Variants in BEAN1 observed in about 807,000 individuals in gnomAD.
BEAN1 encodes the protein protein BEAN1.
A neutral mutation model predicts 17.7 loss-of-function variants in BEAN1; 17 were observed. The observed-to-expected ratio is 0.96, with a 90% CI of 0.66 to 1.44. The LOEUF is 1.44. Ranked by LOEUF, BEAN1 falls within the 40% of genes most tolerant of loss-of-function variation. The pLI, the probability that BEAN1 is intolerant of heterozygous loss-of-function variation, is 0.00. For missense variants in BEAN1, 359 were observed against 374.1 expected (o/e 0.96, Z 0.33); for synonymous variants, 142 against 151.8 (o/e 0.94, Z 0.47).
chr16:66,470,944 A>G (rs545404807), intron 3 of BEAN1, among the ~76,000 whole-genome samples: 2 of 152,242 alleles, frequency 1.3e-5, no homozygotes, highest in African/African-American at 4.8e-5. Context: ...GGGAAAAGAA[A>G]AGCAGGACCT....
At chr16:66,438,339 A>G (rs1962113948) in intron 2 of BEAN1, among the ~76,000 whole-genome samples, 1 of 151,714 alleles carries the variant, frequency 6.6e-6, no homozygotes, top group Non-Finnish European at 1.5e-5. Flanking sequence ...AGCCGAGATC[A>G]CACCATTGCA....
rs541823463 is a variant in BEAN1, at chr16:66,480,633, C to T, written c.488C>T (p.Thr163Met). ...GPGATQLYVP[T>M]DAPPPYSLTD... The stretch of plus-strand genomic sequence containing the variant: ...GGGGCCACTCAGCTGTATGTCCCCA[C>T]GGACGCACCACCACCCTACTCGCTG... The change falls in exon 5 of 5, where the codon ACG (threonine) becomes ATG (methionine). Residue 163 changes from threonine (T) to methionine (M), a missense_variant. By Grantham distance (81) the Thr-to-Met change is moderately conservative. Transcript: ENST00000536005. 5.1e-5 allele frequency: 79 copies of T among 1,550,800 alleles called. No homozygotes were observed. The highest frequency in any genetic ancestry group is 4.5e-4 in the Admixed American group (23 of 50,948).
intron 2 of BEAN1, among the ~76,000 whole-genome samples, chr16:66,461,767 G>A (rs1963096991): frequency 6.6e-6 from 1 of 152,144 alleles, no homozygotes; most frequent in African/African-American, 2.4e-5. Flanking sequence ...CAAGACTCTT[G>A]GAGCCAGCCC....
chr16:66,467,390 G>C (rs530961131), intron 2 of BEAN1, among the ~76,000 whole-genome samples: 215 of 152,282 alleles, frequency 1.4e-3, no homozygotes, highest in African/African-American at 4.9e-3. Flanking sequence ...ATGGCGGAAG[G>C]CACCTCTTCA....
At chr16:66,490,001 G>C (rs1567514186) in intron 4 of BEAN1, among the ~76,000 whole-genome samples, 1 of 151,950 alleles carries the variant, frequency 6.6e-6, no homozygotes, top group Non-Finnish European at 1.5e-5. Flanking sequence ...GCAGCTCCAA[G>C]ACCAAGCACC....
At chr16:66,469,528 G>A (rs1253758552) in intron 2 of BEAN1, 74 bp from the exon 3 acceptor site, 3 of 1,430,812 alleles carry the variant, frequency 2.1e-6, no homozygotes, top group African/African-American at 2.8e-5. Flanking sequence ...CAGCTCACAG[G>A]GCAGCACGGG....
intron 3 of BEAN1, among the ~76,000 whole-genome samples, chr16:66,474,592 G>GAGA (rs1380493195): frequency 3.9e-5 from 1 of 25,650 alleles, no homozygotes; most frequent in South Asian, 2.3e-3. Flanking sequence ...GAGGGAGGGA[G>GAGA]GGAGGGAGGG....
chr16:66,434,834 G>T lies in BEAN1; in HGVS notation c.-82-2761G>T, dbSNP rs780793052. 2.0e-5 allele frequency among the ~76,000 whole-genome samples: 3 copies of T among 152,148 alleles called. No individual in the cohort carries two copies. Among genetic ancestry groups the T allele is most frequent in the Non-Finnish European group, 4.4e-5 (3 of 68,030 alleles). ...AGTCGTGCGCTTGCATCAGGCTGAG[G>T]TTGGCTTGCTCTAGTGTTTCCATGC... is the stretch of plus-strand genomic sequence containing the variant. On this transcript the variant is annotated intron_variant, in intron 1 of 4. Coordinates refer to ENST00000536005, the MANE Select transcript of BEAN1 (RefSeq NM_001178020.3). This position sits in a 1 kb window ranked among gnomAD's most constrained non-coding sequence, Gnocchi z 4.3.
chr16:66,486,248 A>G (rs1964087509), downstream of BEAN1, among the ~76,000 whole-genome samples: 2 of 152,026 alleles, frequency 1.3e-5, no homozygotes, highest in African/African-American at 4.8e-5. Context: ...TTTGTTTTTG[A>G]GTCAAAGTCT....
Position 66,427,890 on chromosome 16 carries a change from G to A in BEAN1, c.-83+459G>A, listed in dbSNP as rs1333367718. 6.6e-6 allele frequency: 1 copy of A among 152,274 alleles called. No individual in the cohort carries two copies. Among genetic ancestry groups the A allele is most frequent in the Non-Finnish European group, 1.5e-5 (1 of 68,136 alleles). 9.4% of individuals were successfully genotyped at this position (152,274 alleles called of 1,614,324 possible). A position where few individuals can be genotyped will look rare whatever the true frequency, so the allele number is the denominator to read the frequency against. On this transcript the variant is annotated intron_variant, in intron 1 of 4. Coordinates refer to ENST00000536005, the MANE Select transcript of BEAN1 (RefSeq NM_001178020.3). The surrounding 1 kb of genome is among the most constrained non-coding windows in gnomAD (Gnocchi z 4.7). The stretch of plus-strand genomic sequence containing the variant: ...GTCGGGGTGGGAGAGGAAAGGGGCT[G>A]GGGCTTCACGGAGTTTGGAGTTTGA...
At chr16:66,490,101 C>T (rs1964143914) in intron 4 of BEAN1, among the ~76,000 whole-genome samples, 1 of 151,322 alleles carries the variant, frequency 6.6e-6, no homozygotes, top group Non-Finnish European at 1.5e-5. Context: ...AGGTCCTCAG[C>T]CAGATGCGGT....
intron 2 of BEAN1, among the ~76,000 whole-genome samples, chr16:66,449,902 T>G (rs1428952054): frequency 6.6e-6 from 1 of 152,214 alleles, no homozygotes; most frequent in Non-Finnish European, 1.5e-5. Flanking sequence ...AAGTGTAAGA[T>G]CCAATTATCT....
intron 2 of BEAN1, among the ~76,000 whole-genome samples, chr16:66,453,239 T>C (rs1962742464): frequency 6.6e-6 from 1 of 152,150 alleles, no homozygotes; most frequent in South Asian, 2.1e-4. Context: ...TCCTTTCTTC[T>C]TTTCTAATAT....
intron 4 of BEAN1, among the ~76,000 whole-genome samples, chr16:66,489,468 G>A (rs1964135676): frequency 6.6e-6 from 1 of 152,156 alleles, no homozygotes; most frequent in Non-Finnish European, 1.5e-5. Flanking sequence ...ATTTCAGAGG[G>A]AGGTAGACAG....
At chr16:66,447,770 G>A (rs1962509807) in intron 2 of BEAN1, among the ~76,000 whole-genome samples, 1 of 152,184 alleles carries the variant, frequency 6.6e-6, no homozygotes, top group Non-Finnish European at 1.5e-5. Context: ...AAGCCTGTGA[G>A]TCTTACCCTG....
At chr16:66,461,461 G>A (rs933465039) in intron 2 of BEAN1, among the ~76,000 whole-genome samples, 3 of 152,114 alleles carry the variant, frequency 2.0e-5, no homozygotes, top group African/African-American at 7.2e-5. Flanking sequence ...CAAGGGCAAG[G>A]CTCTCATCTG....
chr16:66,469,994 G>A (rs1963414998), intron 3 of BEAN1, 129 bp downstream of exon 3: 5 of 1,317,628 alleles, frequency 3.8e-6, no homozygotes, highest in East Asian at 2.5e-5. Flanking sequence ...TAGAAGTCTT[G>A]GGTGGTCAGG....
chr16:66,442,474 C>A lies in BEAN1; in HGVS notation c.25+4773C>A, dbSNP rs75139283. On this transcript the variant is annotated intron_variant, in intron 2 of 4. Coordinates refer to ENST00000536005, the MANE Select transcript of BEAN1 (RefSeq NM_001178020.3). Reference sequence around the variant, plus strand: ...GAAGAAGAAGGGTGGGAGGTAGCATCTGATCATCCACAGAGAAGTCAAGTG... The same window carrying A: ...GAAGAAGAAGGGTGGGAGGTAGCATATGATCATCCACAGAGAAGTCAAGTG... 7.5e-3 allele frequency among the ~76,000 whole-genome samples: 1,146 copies of A among 152,262 alleles called. 13 individuals are homozygous for A. The highest frequency in any genetic ancestry group is 0.024 in the African/African-American group (1,001 of 41,552).
intron 4 of BEAN1, among the ~76,000 whole-genome samples, chr16:66,488,984 C>T (rs1174618883): frequency 2.0e-5 from 3 of 152,036 alleles, no homozygotes; most frequent in Admixed American, 2.0e-4. Context: ...CCAGCCTGGG[C>T]AACATGGTGA....
Sources: gnomAD v4.1 joint callset for allele counts (sites outside exome capture counted in the v4.1 genomes callset) on GRCh38, gnomAD v4.1.1 for gene constraint, Gnocchi (gnomAD v3.1) non-coding constraint, MANE v1.5 for transcripts, NCBI Gene and HGNC (gene_info 2026-07-23, HGNC 2026-07-21) for gene names.